Variants in TNXB observed in about 807,000 individuals in gnomAD.
The protein encoded by TNXB is tenascin XB.
In TNXB, 183 loss-of-function variants were observed where a neutral mutation model predicts 340.5. The ratio of observed to expected loss-of-function variants is 0.54; its 90% confidence interval spans 0.48 to 0.61. TNXB has a LOEUF of 0.61. Ranked by LOEUF, TNXB falls within the 20% of genes least tolerant of loss-of-function variation. The probability of loss-of-function intolerance (pLI) is 0.00; values close to 1 mark genes in which losing one functional copy is unlikely to be tolerated. For synonymous variants in TNXB, 2,121 were observed against 2,314.5 expected, an observed-to-expected ratio of 0.92 and a Z score of 2.40; for missense variants, 4,613 against 5,446.4, an observed-to-expected ratio of 0.85 and a Z score of 4.82.
chr6:32,100,941 G>A (rs1407855803), intron 1 of TNXB, among the ~76,000 whole-genome samples: 2 of 151,472 alleles, frequency 1.3e-5, no homozygotes, highest in Non-Finnish European at 1.5e-5. Context: ...TTAGCTGGGC[G>A]TGGTAGCGGG....
At chr6:32,100,304 T>C (rs1056755177) in intron 1 of TNXB, among the ~76,000 whole-genome samples, 1 of 151,976 alleles carries the variant, frequency 6.6e-6, no homozygotes, top group Admixed American at 6.6e-5. Flanking sequence ...GGGGCTTCAC[T>C]ATGTTGGCCA....
chr6:32,086,422 A>G (rs1779778547), intron 6 of TNXB, among the ~76,000 whole-genome samples: 1 of 152,034 alleles, frequency 6.6e-6, no homozygotes, highest in African/African-American at 2.4e-5. Context: ...GTCCCTCCCC[A>G]CATACATCCC....
rs780874838 is a variant in TNXB, at chr6:32,070,301, C to A, written c.5104G>T (p.Asp1702Tyr). ...TCCTTGAACTGGACCACAAAAGAGT[C>A]GAACTGGCCCTCAGGAACCGTCCAG... Reference protein sequence around the residue: ...LSWTVPEGQFDSFVVQFKDKD... With the variant: ...LSWTVPEGQFYSFVVQFKDKD... Residue 1702 changes from aspartate (D) to tyrosine (Y), a missense_variant, in exon 14 of 44, where the codon GAC becomes TAC. By Grantham distance (160) the Asp-to-Tyr change is radical. This residue lies in a region of TNXB where 4,327 missense variants were observed against 4,859.4 expected (regional missense o/e 0.89). Coordinates refer to ENST00000644971, the MANE Select transcript of TNXB (RefSeq NM_001365276.2). This position sits in a 1 kb window ranked among gnomAD's most constrained non-coding sequence, Gnocchi z 6.0. The A allele has an allele frequency of 6.2e-7, 1 of 1,612,970 alleles. No individual in the cohort carries two copies. The highest frequency in any genetic ancestry group is 1.1e-5 in the South Asian group (1 of 90,914).
intron 24 of TNXB, among the ~76,000 whole-genome samples, chr6:32,054,265 C>T (rs1777495021): frequency 1.3e-5 from 2 of 152,292 alleles, no homozygotes; most frequent in African/African-American, 4.8e-5. Flanking sequence ...TCCCTGCCTC[C>T]AGGCTCCCTG....
chr6:32,096,727 C>A lies in TNXB; in HGVS notation c.1126G>T (p.Asp376Tyr). The change falls in exon 3 of 44, where the codon GAC becomes TAC. Residue 376 changes from aspartate (D) to tyrosine (Y), a missense_variant. Physicochemically the swap from Asp to Tyr is radical, Grantham distance 160. This residue lies in a region of TNXB where 4,327 missense variants were observed against 4,859.4 expected (regional missense o/e 0.89). Transcript: ENST00000644971. ...TCGCAGCGCCCGCGGCCCCGGCAGT[C>A]CCTCGGACATGTCCGCGTGCTGCAG... Reference protein sequence around the residue: ...EDCSTRTCPRDCRGRGRCEDG... With the variant: ...EDCSTRTCPRYCRGRGRCEDG... 6.4e-7 allele frequency: 1 copy of A among 1,552,352 alleles called. No homozygotes were observed.
In TNXB at chr6:32,093,497, G is replaced by A. The variant is rs1341315119; in HGVS notation, c.2358+1579C>T. 9.0e-6 allele frequency: 6 copies of A among 667,242 alleles called. No individual in the cohort carries two copies. In the African/African-American group the frequency reaches 1.1e-4, roughly 12 times the overall value. 41.3% of individuals were successfully genotyped at this position (667,242 alleles called of 1,614,324 possible). On this transcript the variant is annotated intron_variant, in intron 4 of 43. Transcript: ENST00000644971. ...ACAAGACAAAGCAAAGTGGAGTGAG[G>A]ATGACAGTTCCTCTGAGCTGTCCCC...
At chr6:32,092,819 A>G (rs1185453932) in intron 4 of TNXB, among the ~76,000 whole-genome samples, 1 of 152,244 alleles carries the variant, frequency 6.6e-6, no homozygotes, top group African/African-American at 2.4e-5. Context: ...CCCAGGCCCA[A>G]GAGGAGTGTC....
chr6:32,105,723 G>A (rs984254640), intron 1 of TNXB, among the ~76,000 whole-genome samples: 6 of 152,190 alleles, frequency 3.9e-5, no homozygotes, highest in African/African-American at 1.4e-4. Context: ...GAAGATCCTG[G>A]CAGGACCAGA....
rs1001849030 is a variant in TNXB, at chr6:32,096,744, G to T, written c.1109C>A (p.Thr370Lys). The T allele has an allele frequency of 1.7e-5, 26 of 1,548,958 alleles. No individual in the cohort carries two copies. Among genetic ancestry groups the T allele is most frequent in the Non-Finnish European group, 2.2e-5 (25 of 1,149,122 alleles). Residue 370 changes from threonine to lysine, a missense_variant, in exon 3 of 44, where the codon ACG (threonine) becomes AAG (lysine). Around this residue, in one of 7 missense-constraint regions of TNXB, gnomAD observed 4,327 missense variants for 4,859.4 expected, o/e 0.89. Coordinates refer to ENST00000644971, the MANE Select transcript of TNXB (RefSeq NM_001365276.2). ...CCGGCAGTCCCTCGGACATGTCCGC[G>T]TGCTGCAGTCCTCGCCTGTGTACCC... ...WPGYTGEDCS[T>K]RTCPRDCRGR...
rs868113747 is a variant in TNXB, at chr6:32,070,762, C to A, written c.4991-348G>T. Reference sequence around the variant, plus strand: ...CTCTATCTCCTCTTACCCAGGAGCACACGATTTGGCCGTGATTTGGCCGGC... The same window carrying A: ...CTCTATCTCCTCTTACCCAGGAGCAAACGATTTGGCCGTGATTTGGCCGGC... On this transcript the variant is annotated intron_variant, in intron 13 of 43. Transcript: ENST00000644971. The surrounding 1 kb of genome is among the most constrained non-coding windows in gnomAD (Gnocchi z 6.0). 1.3e-5 allele frequency among the ~76,000 whole-genome samples: 2 copies of A among 152,210 alleles called. No individual in the cohort carries two copies. Among genetic ancestry groups the A allele is most frequent in the Non-Finnish European group, 2.9e-5 (2 of 68,036 alleles).
chr6:32,043,977 G>A (rs369016292), intron 34 of TNXB, 30 bp downstream of exon 34: 16 of 1,606,106 alleles, frequency 1.0e-5, no homozygotes, highest in Admixed American at 3.3e-5. Context: ...GAGGAAATGC[G>A]AGGCGATGAG....
Position 32,050,124 on chromosome 6 carries a change from G to A in TNXB, c.9313C>T (p.Arg3105Trp), listed in dbSNP as rs1562791705. The change falls in exon 27 of 44, where the codon CGG (arginine) becomes TGG (tryptophan). Residue 3105 changes from arginine to tryptophan, a missense_variant. Arg to Trp is a moderately radical substitution (Grantham distance 101). Coordinates refer to ENST00000644971, the MANE Select transcript of TNXB (RefSeq NM_001365276.2). ...ACCCCGTCCTCGTGCCCCGGCACCC[G>A]CACCGCCTTGGGCTGCCCATCCCCA... Reference protein sequence around the residue: ...RNGDGQPKAVRVPGHEDGVTI... With the variant: ...RNGDGQPKAVWVPGHEDGVTI... 3.1e-6 allele frequency: 5 copies of A among 1,613,760 alleles called. No homozygotes were observed. The highest frequency in any genetic ancestry group is 2.5e-6 in the Non-Finnish European group (3 of 1,179,876).
chr6:32,078,107 G>GAAAGAA (rs1176079430), intron 11 of TNXB, among the ~76,000 whole-genome samples: 2 of 149,214 alleles, frequency 1.3e-5, no homozygotes, highest in African/African-American at 4.9e-5. Flanking sequence ...AAGAAAGAAA[G>GAAAGAA]AAAGAAAGAA....
chr6:32,098,319 CACAT>C (rs760817932), intron 1 of TNXB, 113 bp from the exon 2 acceptor site: 1 of 873,858 alleles, frequency 1.1e-6, no homozygotes, highest in Non-Finnish European at 1.6e-6. Context: ...CTACCCAACT[CACAT>C]GCATGTAAAA....
rs901400958 is a variant in TNXB at position 32,064,993 on chromosome 6, A to C, written c.6669T>G (p.His2223Gln). ...SWTVPEGQFD[H>Q]FLVQFKNGDG... ...CCCCATTCTTAAACTGGACCAAGAAATGGTCAAACTGGCCCTCGGGGACTG... is the reference window on the plus strand; with the variant it reads ...CCCCATTCTTAAACTGGACCAAGAACTGGTCAAACTGGCCCTCGGGGACTG... The change falls in exon 19 of 44, where the codon CAT becomes CAG. Residue 2223 changes from histidine (H) to glutamine (Q), a missense_variant. Transcript: ENST00000644971. The surrounding 1 kb of genome is among the most constrained non-coding windows in gnomAD (Gnocchi z 5.3). The C allele has an allele frequency of 1.2e-6, 2 of 1,612,584 alleles. No individual in the cohort carries two copies. The highest frequency in any genetic ancestry group is 8.5e-7 in the Non-Finnish European group (1 of 1,179,730).
intron 24 of TNXB, among the ~76,000 whole-genome samples, chr6:32,054,484 A>T (rs780408147): frequency 2.6e-5 from 4 of 152,178 alleles, no homozygotes; most frequent in Non-Finnish European, 4.4e-5. Flanking sequence ...CTCACACACC[A>T]TGCTCTTTCT....
At chr6:32,055,091 C>G (rs893474784) in intron 24 of TNXB, among the ~76,000 whole-genome samples, 1 of 152,174 alleles carries the variant, frequency 6.6e-6, no homozygotes, top group Non-Finnish European at 1.5e-5. Context: ...TCTAGTTGAC[C>G]TCCCCAAAGA....
At position 32,074,079 on chromosome 6, in the gene TNXB, C is replaced by A; in HGVS notation, c.4376-127G>T. The stretch of plus-strand genomic sequence containing the variant: ...TCTCGCTGTCACCCAGAGCAGTGGG[C>A]GACCTCGGCTCACTGCAGCCTCTGC... On this transcript the variant is annotated intron_variant, in intron 11 of 43. Coordinates refer to ENST00000644971, the MANE Select transcript of TNXB (RefSeq NM_001365276.2). The surrounding 1 kb of genome is among the most constrained non-coding windows in gnomAD (Gnocchi z 5.5). 3.3e-6 allele frequency: 3 copies of A among 903,998 alleles called. No homozygotes were observed. The highest frequency in any genetic ancestry group is 4.7e-6 in the Non-Finnish European group (3 of 633,776). The allele number at this position is 903,998 out of a possible 1,614,324, so 56.0% of individuals were successfully genotyped here.
At position 32,067,132 on chromosome 6, in the gene TNXB, G is replaced by GAAGAAAGA. The variant is rs9281648; in HGVS notation, c.6544+521_6544+528dup. 0.12 allele frequency among the ~76,000 whole-genome samples: 13,689 copies of GAAGAAAGA among 117,764 alleles called. 956 individuals are homozygous for GAAGAAAGA. The highest frequency in any genetic ancestry group is 0.2 in the East Asian group (809 of 4,048). The allele number at this position is 117,764 out of a possible 152,430, so 77.3% of individuals were successfully genotyped here. Reference sequence around the variant, plus strand: ...AAGAAAGAGAAAGAAAGAAAGGAAGGAAGAAAGAAAGAAAGAAAGAAAGAA... The same window carrying GAAGAAAGA: ...AAGAAAGAGAAAGAAAGAAAGGAAGGAAGAAAGAAAGAAAGAAAGAAAGAAAGAAAGAA... On this transcript the variant is annotated intron_variant, in intron 18 of 43. Coordinates refer to ENST00000644971, the MANE Select transcript of TNXB (RefSeq NM_001365276.2). This position sits in a 1 kb window ranked among gnomAD's most constrained non-coding sequence, Gnocchi z 4.2.
Sources: allele counts gnomAD v4.1 joint callset (sites outside exome capture counted in the v4.1 genomes callset), GRCh38; gene constraint gnomAD v4.1.1; regional missense constraint gnomAD v4.1.1; non-coding constraint Gnocchi (gnomAD v3.1); transcripts MANE v1.5; gene names NCBI Gene and HGNC (gene_info 2026-07-23, HGNC 2026-07-21).